Variants in KAT6B observed in about 807,000 individuals in gnomAD.
KAT6B encodes the protein histone acetyltransferase KAT6B.
Under a neutral mutation model 187.5 loss-of-function variants are expected in KAT6B, and 10 were observed. The ratio of observed to expected loss-of-function variants is 0.05; its 90% confidence interval spans 0.03 to 0.09. The LOEUF (loss-of-function observed/expected upper bound fraction) is 0.09. Ranked by LOEUF, KAT6B falls within the 10% of genes least tolerant of loss-of-function variation. KAT6B has a pLI of 1.00. For synonymous variants in KAT6B, 861 were observed against 926.8 expected, an observed-to-expected ratio of 0.93 and a Z score of 1.29; for missense variants, 1,952 against 2,558.9, an observed-to-expected ratio of 0.76 and a Z score of 5.12.
Position 75,030,273 on chromosome 10 carries a change from C to G in KAT6B, c.5449C>G (p.Leu1817Val). 6.2e-7 allele frequency: 1 copy of G among 1,614,246 alleles called. No homozygotes were observed. The highest frequency in any genetic ancestry group is 8.5e-7 in the Non-Finnish European group (1 of 1,180,030). ...HYPQPSATFSLAKLQQLTNTL... is the reference protein window; with the variant it reads ...HYPQPSATFSVAKLQQLTNTL... Reference sequence around the variant, plus strand: ...CCCGCAGCCGTCAGCCACCTTCAGCCTTGCCAAACTGCAGCAGTTAACTAA... The same window carrying G: ...CCCGCAGCCGTCAGCCACCTTCAGCGTTGCCAAACTGCAGCAGTTAACTAA... Residue 1817 changes from leucine to valine, a missense_variant, in exon 18 of 18, where the codon CTT becomes GTT. This residue lies in a region of KAT6B where 358 missense variants were observed against 436.3 expected (regional missense o/e 0.82). Transcript: ENST00000287239. The surrounding 1 kb of genome is among the most constrained non-coding windows in gnomAD (Gnocchi z 4.8).
intron 3 of KAT6B, among the ~76,000 whole-genome samples, chr10:74,916,941 A>C (rs1847734189): frequency 6.6e-6 from 1 of 152,128 alleles, no homozygotes; most frequent in Non-Finnish European, 1.5e-5. Context: ...CTGTCTCTAC[A>C]AAAAAATACA....
At chr10:74,936,141 C>G (rs1820136442) in intron 3 of KAT6B, among the ~76,000 whole-genome samples, 2 of 152,026 alleles carry the variant, frequency 1.3e-5, no homozygotes, top group African/African-American at 4.8e-5. Flanking sequence ...GGTGGCTCTT[C>G]CCTGTAATCC....
At chr10:75,026,553 A>G (rs570347165) in intron 17 of KAT6B, among the ~76,000 whole-genome samples, 1 of 152,096 alleles carries the variant, frequency 6.6e-6, no homozygotes, top group Non-Finnish European at 1.5e-5. Context: ...CAGAAATGCT[A>G]TTCCTGCATA....
intron 13 of KAT6B, among the ~76,000 whole-genome samples, chr10:75,014,121 A>C (rs921809204): frequency 6.6e-6 from 1 of 152,154 alleles, no homozygotes; most frequent in East Asian, 1.9e-4. Context: ...TATACAGAGG[A>C]GTTTTCCAGA....
chr10:74,826,952 CG>C (rs1486020458), intron 1 of KAT6B, among the ~76,000 whole-genome samples, 167 bp downstream of exon 1: 3 of 130,448 alleles, frequency 2.3e-5, no homozygotes, highest in Non-Finnish European at 4.9e-5. Flanking sequence ...CGGTAGGGGG[CG>C]GGGGAAAGGG....
upstream of KAT6B, among the ~76,000 whole-genome samples, chr10:74,825,235 T>A (rs1043494178): frequency 1.3e-5 from 2 of 151,954 alleles, no homozygotes; most frequent in African/African-American, 4.8e-5. The surrounding 1 kb of genome is among the most constrained non-coding windows in gnomAD (Gnocchi z 5.0). Flanking sequence ...GGACCGCACC[T>A]CAGTCCCAGC....
chr10:74,930,186 G>A (rs749996773), intron 3 of KAT6B, among the ~76,000 whole-genome samples: 10 of 152,142 alleles, frequency 6.6e-5, no homozygotes, highest in Non-Finnish European at 1.2e-4. Flanking sequence ...GCCTCCCAGA[G>A]TGTTGGGATT....
intron 3 of KAT6B, among the ~76,000 whole-genome samples, chr10:74,846,420 G>GTA (rs1221359490): frequency 2.6e-5 from 4 of 152,042 alleles, no homozygotes; most frequent in East Asian, 3.9e-4. Context: ...AAATACATAT[G>GTA]TATATATATA....
intron 1 of KAT6B, among the ~76,000 whole-genome samples, chr10:74,834,860 T>C (rs1295763165): frequency 6.6e-6 from 1 of 152,238 alleles, no homozygotes; most frequent in African/African-American, 2.4e-5. Context: ...ATACCTGTTC[T>C]AGTCAGGCAC....
chr10:74,844,121 G>A (rs1469229302), intron 3 of KAT6B, among the ~76,000 whole-genome samples: 4 of 152,078 alleles, frequency 2.6e-5, no homozygotes, highest in East Asian at 1.9e-4. Context: ...TGATGCGCCC[G>A]CCTCGGCCTC....
At chr10:74,959,290 TAA>T (rs906408843) in intron 3 of KAT6B, among the ~76,000 whole-genome samples, 8 of 152,188 alleles carry the variant, frequency 5.3e-5, no homozygotes, top group African/African-American at 1.9e-4. Context: ...CAATATTTAA[TAA>T]AGTCTTAACA....
Position 75,021,117 on chromosome 10 carries a change from A to G in KAT6B, c.2862-9A>G. The G allele has an allele frequency of 2.5e-6, 4 of 1,613,450 alleles. No homozygotes were observed. The highest frequency in any genetic ancestry group is 2.2e-5 in the East Asian group (1 of 44,884). ...TGATTACATCTTGTTCTGCCTTATC[A>G]CATTACAGATTTGTCATCATTAGAC... On this transcript the variant is annotated splice_polypyrimidine_tract_variant and intron_variant, in intron 14 of 17. Transcript: ENST00000287239.
chr10:74,938,657 C>T (rs1849435973), intron 3 of KAT6B, among the ~76,000 whole-genome samples: 1 of 152,126 alleles, frequency 6.6e-6, no homozygotes, highest in South Asian at 2.1e-4. Flanking sequence ...TTTCCATGCC[C>T]TTGTAATTTC....
At chr10:74,946,370 A>T (rs1363592680) in intron 3 of KAT6B, among the ~76,000 whole-genome samples, 1 of 152,238 alleles carries the variant, frequency 6.6e-6, no homozygotes, top group Non-Finnish European at 1.5e-5. Context: ...ATACCCATCT[A>T]ATGACCCAGG....
chr10:74,915,159 A>G (rs959485211), intron 3 of KAT6B, among the ~76,000 whole-genome samples: 5 of 152,218 alleles, frequency 3.3e-5, no homozygotes, highest in Non-Finnish European at 7.3e-5. Flanking sequence ...ATGTTTCTTC[A>G]TAGTGATGAT....
At chr10:74,836,903 T>C (rs547354897) in intron 1 of KAT6B, among the ~76,000 whole-genome samples, 1 of 152,330 alleles carries the variant, frequency 6.6e-6, no homozygotes, top group South Asian at 2.1e-4. Flanking sequence ...CTTATGAAAG[T>C]AAAATAGTTA....
intron 3 of KAT6B, among the ~76,000 whole-genome samples, chr10:74,931,998 C>CT (rs1848916665): frequency 6.6e-6 from 1 of 152,228 alleles, no homozygotes; most frequent in African/African-American, 2.4e-5. Context: ...AGGCGTGAGC[C>CT]ACCACGCCCG....
intron 3 of KAT6B, among the ~76,000 whole-genome samples, chr10:74,862,005 C>T (rs1273234170): frequency 6.6e-6 from 1 of 152,172 alleles, no homozygotes; most frequent in African/African-American, 2.4e-5. Flanking sequence ...GAAATCTTTG[C>T]ATTTGGTTAA....
chr10:74,937,146 CT>C (rs746723069), intron 3 of KAT6B, among the ~76,000 whole-genome samples: 17 of 152,196 alleles, frequency 1.1e-4, no homozygotes, highest in Non-Finnish European at 2.4e-4. Flanking sequence ...TAAAGTGCCC[CT>C]GCTCAGATCG....
Sources: gnomAD v4.1 joint callset for allele counts (sites outside exome capture counted in the v4.1 genomes callset) on GRCh38, gnomAD v4.1.1 for gene constraint, gnomAD v4.1.1 regional missense constraint, Gnocchi (gnomAD v3.1) non-coding constraint, MANE v1.5 for transcripts, NCBI Gene and HGNC (gene_info 2026-07-23, HGNC 2026-07-21) for gene names.